Variants in NF1 observed in about 807,000 individuals in gnomAD.
The protein encoded by NF1 is neurofibromin.
In NF1, 122 loss-of-function variants were observed where a neutral mutation model predicts 325.7. That is an observed-to-expected ratio of 0.37 (90% CI 0.32 to 0.44). The LOEUF (loss-of-function observed/expected upper bound fraction) is 0.44, where lower values mean the gene tolerates loss of function less well. NF1 is among the 20% of genes least tolerant of loss of function. The probability of loss-of-function intolerance (pLI) is 1.00; values close to 1 mark genes in which losing one functional copy is unlikely to be tolerated. For missense variants in NF1, 2,140 were observed against 3,415.4 expected (o/e 0.63, Z 9.31); for synonymous variants, 1,091 against 1,186.0 (o/e 0.92, Z 1.65).
Position 31,334,890 on chromosome 17 carries a change from T to C in NF1, c.5865T>C (p.Asn1955=), listed in dbSNP as rs863224356. ...AATACATGACTCCATGGCTGTCAAA[T>C]CTAGTTCGTTTTTGCAAGCATAATG... ...CLEYMTPWLS[N]LVRFCKHNDD... Residue 1955 remains asparagine (N), a synonymous_variant, in exon 40 of 58, where the codon AAT becomes AAC. Coordinates refer to ENST00000358273, the MANE Select transcript of NF1 (RefSeq NM_001042492.3). 6.2e-7 allele frequency: 1 copy of C among 1,614,026 alleles called. No homozygotes were observed. The highest frequency in any genetic ancestry group is 1.1e-5 in the South Asian group (1 of 91,070).
chr17:31,141,306 C>G (rs1041033773), intron 1 of NF1, among the ~76,000 whole-genome samples: 5 of 147,238 alleles, frequency 3.4e-5, no homozygotes, highest in African/African-American at 1.3e-4. Context: ...AGGTGTTAAT[C>G]TTGTTTTTTT....
intron 1 of NF1, among the ~76,000 whole-genome samples, chr17:31,154,185 A>G (rs1004942914): frequency 2.9e-4 from 43 of 146,384 alleles, no homozygotes; most frequent in African/African-American, 1.1e-3. Flanking sequence ...CCTCCCTAGT[A>G]GCTGGGATTA....
At chr17:31,190,780 G>T (rs1431075132) in intron 8 of NF1, among the ~76,000 whole-genome samples, 1 of 152,182 alleles carries the variant, frequency 6.6e-6, no homozygotes, top group African/African-American at 2.4e-5. Context: ...TTCCCCAATA[G>T]TTGCAGCAGG....
rs764079291 is a variant in NF1 at position 31,201,471 on chromosome 17, C to T, written c.1246C>T (p.Arg416Ter). 1 of 1,611,594 alleles carries T rather than the reference C, an allele frequency of 6.2e-7. No homozygotes were observed. Among genetic ancestry groups the T allele is most frequent in the Non-Finnish European group, 8.5e-7 (1 of 1,178,484 alleles). Residue 416 changes from arginine (R) to a stop codon, truncating the protein, a stop_gained, in exon 11 of 58, where the codon CGA becomes TGA. Coordinates refer to ENST00000358273, the MANE Select transcript of NF1 (RefSeq NM_001042492.3). LOFTEE classifies it high-confidence loss of function. ...FHYVLVNSLHRIITNSALDWW... is the reference protein window; with the variant it reads ...FHYVLVNSLH Reference sequence around the variant, plus strand: ...CTATGTGCTGGTAAATTCACTCCATCGAATCATCACCAATGTAAGTCCAAA... The same window carrying T: ...CTATGTGCTGGTAAATTCACTCCATTGAATCATCACCAATGTAAGTCCAAA...
intron 1 of NF1, among the ~76,000 whole-genome samples, chr17:31,142,890 G>T (rs1001524189): frequency 2.6e-5 from 4 of 151,534 alleles, no homozygotes; most frequent in Non-Finnish European, 4.4e-5. Context: ...AATTATTAAT[G>T]AGATGGTCAT....
intron 1 of NF1, among the ~76,000 whole-genome samples, chr17:31,099,214 CAT>C (rs951906926): frequency 1.1e-4 from 17 of 152,274 alleles, no homozygotes; most frequent in East Asian, 9.6e-4. Flanking sequence ...TGATTACAGA[CAT>C]ATTGCACTCT....
chr17:31,189,184 A>T (rs1275953380), intron 8 of NF1, among the ~76,000 whole-genome samples: 1 of 152,082 alleles, frequency 6.6e-6, no homozygotes, highest in Non-Finnish European at 1.5e-5. Context: ...TGATTTTTCC[A>T]TTGAATTGTT....
chr17:31,250,096 T>C, intron 30 of NF1: 1 of 448,982 alleles, frequency 2.2e-6, no homozygotes, highest in East Asian at 4.7e-5. Context: ...TAAAGATGTA[T>C]CTGTTCTATC....
chr17:31,327,952 T>A, intron 38 of NF1, 113 bp downstream of exon 38: 1 of 1,056,530 alleles, frequency 9.5e-7, no homozygotes, highest in Non-Finnish European at 1.4e-6. Context: ...TTGGAAGGTA[T>A]GCAGTGTTGG....
chr17:31,258,893 T>C (rs1170012822), intron 32 of NF1, 139 bp from the exon 33 acceptor site: 2 of 576,628 alleles, frequency 3.5e-6, no homozygotes, highest in Non-Finnish European at 6.1e-6. Context: ...AAATAATTTA[T>C]AGAATGAGGA....
chr17:31,372,603 G>A (rs1261250999), intron 57 of NF1, among the ~76,000 whole-genome samples: 2 of 152,074 alleles, frequency 1.3e-5, no homozygotes, highest in African/African-American at 2.4e-5. Context: ...CACTACTTCC[G>A]CAAGGGTGAC....
chr17:31,175,107 C>CAAAAAAA lies in NF1; in HGVS notation c.586+5129_586+5135dup, dbSNP rs1171161386. ...TGAGCGACAGAGCAAGACTCCATCT[C>CAAAAAAA]AAAAAAAAAAAAAAAAAAAAAAAAA... On this transcript the variant is annotated intron_variant, in intron 5 of 57. Coordinates refer to ENST00000358273, the MANE Select transcript of NF1 (RefSeq NM_001042492.3). Among the ~76,000 whole-genome samples, 6 of 29,022 alleles carry CAAAAAAA rather than the reference C, an allele frequency of 2.1e-4. 1 individual carries two copies. Among genetic ancestry groups the CAAAAAAA allele is most frequent in the Non-Finnish European group, 2.2e-4 (4 of 18,258 alleles). 19.0% of individuals were successfully genotyped at this position (29,022 alleles called of 152,430 possible).
chr17:31,105,647 T>G (rs1219233816), intron 1 of NF1, among the ~76,000 whole-genome samples: 1 of 152,194 alleles, frequency 6.6e-6, no homozygotes, highest in Non-Finnish European at 1.5e-5. Context: ...CCCAAGTAGC[T>G]GGGATGACAG....
At position 31,263,063 on chromosome 17, in the gene NF1, G is replaced by A. The variant is rs9904015; in HGVS notation, c.4724+1206G>A. On this transcript the variant is annotated intron_variant, in intron 35 of 57. Coordinates refer to ENST00000358273, the MANE Select transcript of NF1 (RefSeq NM_001042492.3). ...GGTAGGTAGGTAGGTAGGTAGGTAG[G>A]TAGGTAGATAGATAGGTAGGTAGGT... Among the ~76,000 whole-genome samples, 604 of 135,592 alleles carry A rather than the reference G, an allele frequency of 4.5e-3. 1 individual carries two copies. The highest frequency in any genetic ancestry group is 0.012 in the African/African-American group (444 of 36,198). 89.0% of individuals were successfully genotyped at this position (135,592 alleles called of 152,430 possible).
chr17:31,366,682 A>G (rs2070528863), intron 57 of NF1, among the ~76,000 whole-genome samples: 1 of 152,182 alleles, frequency 6.6e-6, no homozygotes, highest in African/African-American at 2.4e-5. Flanking sequence ...TGAGCCCAAG[A>G]GTTCAAGTCT....
At position 31,233,139 on chromosome 17, in the gene NF1, G is replaced by C. The variant is rs1597720116; in HGVS notation, c.3634G>C (p.Val1212Leu). The C allele has an allele frequency of 1.9e-6, 3 of 1,614,174 alleles. No homozygotes were observed. Among genetic ancestry groups the C allele is most frequent in the Non-Finnish European group, 2.5e-6 (3 of 1,180,034 alleles). ...ADRFERLVELVTMMGDQGELP... is the reference protein window; with the variant it reads ...ADRFERLVELLTMMGDQGELP... ...TCGGTTTGAGAGATTGGTGGAACTG[G>C]TCACAATGATGGGTGATCAAGGAGA... Residue 1212 changes from valine (V) to leucine (L), a missense_variant, in exon 27 of 58, where the codon GTC becomes CTC. Physicochemically the swap from Val to Leu is conservative, Grantham distance 32. Coordinates refer to ENST00000358273, the MANE Select transcript of NF1 (RefSeq NM_001042492.3).
intron 36 of NF1, chr17:31,271,910 C>T (rs1344481832): frequency 6.6e-6 from 1 of 151,840 alleles, no homozygotes; most frequent in African/African-American, 2.4e-5. Flanking sequence ...ATACACCACA[C>T]ACACACACAC....
At chr17:31,331,256 A>G (rs2069478787) in intron 39 of NF1, 1 of 152,234 alleles carries the variant, frequency 6.6e-6, no homozygotes, top group Non-Finnish European at 1.5e-5. Context: ...TAGGACTGAC[A>G]AAACAAGAAA....
chr17:31,118,174 T>C (rs1914118911), intron 1 of NF1, among the ~76,000 whole-genome samples: 2 of 152,216 alleles, frequency 1.3e-5, no homozygotes, highest in African/African-American at 4.8e-5. Flanking sequence ...TTTTTGTGCC[T>C]AGAAATTGTG....
Sources: gnomAD v4.1 joint callset for allele counts (sites outside exome capture counted in the v4.1 genomes callset) on GRCh38, gnomAD v4.1.1 for gene constraint, MANE v1.5 for transcripts, NCBI Gene and HGNC (gene_info 2026-07-23, HGNC 2026-07-21) for gene names.